The following DGLUCY variants were observed in gnomAD, a reference collection of about 807,000 sequenced individuals.
DGLUCY encodes D-glutamate cyclase.
A neutral mutation model predicts 58.5 loss-of-function variants in DGLUCY; 58 were observed. That is an observed-to-expected ratio of 0.99 (90% confidence interval 0.80 to 1.23). The LOEUF is 1.23. Ranked by LOEUF, DGLUCY falls within the 50% of genes most tolerant of loss-of-function variation. The pLI is 0.00. For synonymous variants in DGLUCY, 325 were observed against 314.1 expected, an observed-to-expected ratio of 1.03 and a Z score of -0.37; for missense variants, 779 against 784.7, an observed-to-expected ratio of 0.99 and a Z score of 0.09.
intron 10 of DGLUCY, among the ~76,000 whole-genome samples, chr14:91,197,618 G>A (rs2050298803): frequency 6.6e-6 from 1 of 152,206 alleles, no homozygotes; most frequent in South Asian, 2.1e-4. Context: ...ACTATTCGAG[G>A]CACCTTGTGT....
At chr14:91,062,559 ATATATATATATATATATATATATAT>A (rs1188260473) in intron 1 of DGLUCY, among the ~76,000 whole-genome samples, 1 of 18,604 alleles carries the variant, frequency 5.4e-5, no homozygotes, top group African/African-American at 2.1e-4. Context: ...AAAAAAAAAA[ATATATATATATATATATATATATAT>A]ATATATATAT....
intron 9 of DGLUCY, among the ~76,000 whole-genome samples, chr14:91,191,569 C>T (rs999870256): frequency 7.2e-5 from 11 of 152,170 alleles, no homozygotes; most frequent in African/African-American, 2.4e-4. Flanking sequence ...CCTTCCCAGC[C>T]TCATTCTCCC....
chr14:91,065,145 G>T (rs925451074), intron 1 of DGLUCY, among the ~76,000 whole-genome samples: 50 of 152,298 alleles, frequency 3.3e-4, no homozygotes, highest in African/African-American at 1.2e-3. Flanking sequence ...GAGGGCATGG[G>T]TTAGGGATCT....
intron 9 of DGLUCY, among the ~76,000 whole-genome samples, chr14:91,194,685 C>T (rs1194679221): frequency 1.3e-5 from 2 of 151,956 alleles, no homozygotes; most frequent in African/African-American, 2.4e-5. Context: ...GGATTACAGG[C>T]GCCCGCCACC....
intron 1 of DGLUCY, among the ~76,000 whole-genome samples, chr14:91,133,357 T>C (rs956191080): frequency 7.9e-5 from 12 of 152,140 alleles, no homozygotes; most frequent in Non-Finnish European, 4.4e-5. Context: ...AATATTCCAT[T>C]GTCTGTATAT....
chr14:91,097,635 A>G (rs1004721513), intron 1 of DGLUCY, among the ~76,000 whole-genome samples: 3 of 147,990 alleles, frequency 2.0e-5, no homozygotes, highest in East Asian at 2.0e-4. Flanking sequence ...CCTTGACCCC[A>G]TGTCTCTCTC....
rs77490846 is a variant in DGLUCY at position 91,083,016 on chromosome 14, C to G, written c.-82+22312C>G. Among the ~76,000 whole-genome samples, 876 of 152,248 alleles carry G rather than the reference C, an allele frequency of 5.8e-3. 4 individuals carry two copies. The highest frequency in any genetic ancestry group is 0.014 in the Admixed American group (210 of 15,294). Reference sequence around the variant, plus strand: ...CAAGTGATCCTCCTGCGTTGGCCTCCAAAAAGGCTGAGGTTACAGGTATAA... The same window carrying G: ...CAAGTGATCCTCCTGCGTTGGCCTCGAAAAAGGCTGAGGTTACAGGTATAA... On this transcript the variant is annotated intron_variant, in intron 1 of 4. Transcript: ENST00000521334.
chr14:91,185,271 A>AGTTTTTT (rs2049436457), intron 8 of DGLUCY, among the ~76,000 whole-genome samples: 1 of 38,342 alleles, frequency 2.6e-5, no homozygotes, highest in Non-Finnish European at 4.7e-5. Context: ...GCCCAGCCGG[A>AGTTTTTT]TTTTTTTTTT....
At position 91,224,996 on chromosome 14, in the gene DGLUCY, G is replaced by T. The variant is rs542252129; in HGVS notation, c.*163G>T. On this transcript the variant is annotated 3_prime_UTR_variant, in exon 14 of 14. Coordinates refer to ENST00000256324, the MANE Select transcript of DGLUCY (RefSeq NM_001102368.3). ...ACTGCATGCCCACTTTCTGGGAGGGGTTAGTGCAGGTGCTGTGGACAAAGG... is the reference window on the plus strand; with the variant it reads ...ACTGCATGCCCACTTTCTGGGAGGGTTTAGTGCAGGTGCTGTGGACAAAGG... The T allele has an allele frequency of 1.3e-6, 1 of 749,664 alleles. No individual in the cohort carries two copies. The highest frequency in any genetic ancestry group is 2.0e-6 in the Non-Finnish European group (1 of 498,102). The allele number at this position is 749,664 out of a possible 1,614,324, so 46.4% of individuals were successfully genotyped here.
chr14:91,135,978 A>G (rs1048637389), intron 1 of DGLUCY, among the ~76,000 whole-genome samples: 5 of 118,112 alleles, frequency 4.2e-5, no homozygotes, highest in Non-Finnish European at 6.4e-5. Context: ...TCTGTCGCCC[A>G]GGCTGGAGTG....
chr14:91,075,546 G>A (rs2044005858), intron 1 of DGLUCY, among the ~76,000 whole-genome samples: 1 of 151,986 alleles, frequency 6.6e-6, no homozygotes, highest in Non-Finnish European at 1.5e-5. Flanking sequence ...CTTTGATTTG[G>A]GTTCTCTTCC....
At chr14:91,152,227 C>CA (rs776950784) in intron 1 of DGLUCY, among the ~76,000 whole-genome samples, 2 of 151,926 alleles carry the variant, frequency 1.3e-5, no homozygotes, top group Non-Finnish European at 2.9e-5. Flanking sequence ...CCCATCTTTA[C>CA]AAAAAAATAA....
intron 11 of DGLUCY, among the ~76,000 whole-genome samples, chr14:91,201,159 G>A (rs545139868): frequency 7.7e-4 from 117 of 152,270 alleles, no homozygotes; most frequent in African/African-American, 2.7e-3. Flanking sequence ...AACAAATCAC[G>A]ATGGTGGAGT....
chr14:91,109,521 G>GGTAGTT (rs957740243), upstream of DGLUCY, among the ~76,000 whole-genome samples: 7 of 152,136 alleles, frequency 4.6e-5, no homozygotes, highest in African/African-American at 1.7e-4. Flanking sequence ...TTTCATCAGC[G>GGTAGTT]GTAGTTAGTG....
chr14:91,086,608 A>T (rs1274094153), intron 1 of DGLUCY, among the ~76,000 whole-genome samples: 1 of 152,124 alleles, frequency 6.6e-6, no homozygotes, highest in Non-Finnish European at 1.5e-5. Flanking sequence ...TGAATAATTT[A>T]GCTCCACAGT....
chr14:91,179,045 G>A (rs1271929095), intron 7 of DGLUCY, among the ~76,000 whole-genome samples: 2 of 151,950 alleles, frequency 1.3e-5, no homozygotes, highest in Non-Finnish European at 2.9e-5. Context: ...AAACTTTATT[G>A]TTTCTGTGAA....
chr14:91,181,653 T>TCTTTCTTTC (rs2049176226), intron 8 of DGLUCY, among the ~76,000 whole-genome samples: 2 of 96,190 alleles, frequency 2.1e-5, no homozygotes, highest in Non-Finnish European at 5.4e-5. Context: ...TTCTTTCTTT[T>TCTTTCTTTC]GTTTTCTTTC....
At chr14:91,075,004 G>A (rs987392409) in intron 1 of DGLUCY, among the ~76,000 whole-genome samples, 1 of 151,760 alleles carries the variant, frequency 6.6e-6, no homozygotes, top group Non-Finnish European at 1.5e-5. Flanking sequence ...CCCAGGAGGT[G>A]GAAGTTGCAG....
chr14:91,133,971 C>G (rs1297042387), intron 1 of DGLUCY, among the ~76,000 whole-genome samples: 3 of 152,070 alleles, frequency 2.0e-5, no homozygotes, highest in Non-Finnish European at 2.9e-5. Flanking sequence ...AGTCCTTTGC[C>G]CATTTAATTG....
Sources: allele counts gnomAD v4.1 joint callset (sites outside exome capture counted in the v4.1 genomes callset), GRCh38; gene constraint gnomAD v4.1.1; transcripts MANE v1.5; gene names NCBI Gene and HGNC (gene_info 2026-07-23, HGNC 2026-07-21).